Variants in ACRBP observed in about 807,000 individuals in gnomAD.
ACRBP encodes acrosin binding protein.
ACRBP carries 52 observed loss-of-function variants against 69.0 expected under a neutral mutation model. The ratio of observed to expected loss-of-function variants is 0.75; its 90% CI spans 0.60 to 0.95. The LOEUF (loss-of-function observed/expected upper bound fraction) is 0.95, where lower values mean the gene tolerates loss of function less well. ACRBP is among the 40% of genes least tolerant of loss of function. ACRBP has a pLI of 0.00. For missense variants in ACRBP, 604 were observed against 673.0 expected, an observed-to-expected ratio of 0.90 and a Z score of 1.13; for synonymous variants, 267 against 258.9, an observed-to-expected ratio of 1.03 and a Z score of -0.30.
At chr12:6,647,175 C>CG (rs1949096822) in intron 1 of ACRBP, 149 bp downstream of exon 1, 5 of 1,124,114 alleles carry the variant, frequency 4.4e-6, no homozygotes, top group South Asian at 2.8e-5. Flanking sequence ...CGGCCGCGGG[C>CG]GGGGGGAGAT....
At position 6,644,246 on chromosome 12, in the gene ACRBP, G is replaced by A. The variant is rs138474024; in HGVS notation, c.835C>T (p.Pro279Ser). The change falls in exon 5 of 10, where the codon CCT becomes TCT. Residue 279 changes from proline (P) to serine (S), a missense_variant. By Grantham distance (74) the Pro-to-Ser change is moderately conservative. Coordinates refer to ENST00000229243, the MANE Select transcript of ACRBP (RefSeq NM_032489.3). ...TCCTGGATGTTCTCCATTATCATAG[G>A]AGTAGACTCTACTTCTCGTACCCGG... ...APRVREVEST[P>S]MIMENIQELI... The A allele has an allele frequency of 4.3e-6, 7 of 1,613,990 alleles. No individual in the cohort carries two copies. Among genetic ancestry groups the A allele is most frequent in the Non-Finnish European group, 5.1e-6 (6 of 1,180,034 alleles).
At position 6,638,272 on chromosome 12, in the gene ACRBP, A is replaced by G. The variant is rs1297153827; in HGVS notation, c.*10T>C. On this transcript the variant is annotated 3_prime_UTR_variant, in exon 10 of 10. Transcript: ENST00000229243. The stretch of plus-strand genomic sequence containing the variant: ...GGTTGGGCTGGGGTGTGGGCAGAAT[A>G]GACGCCAGCTCATCCGAACTGGCCT... The G allele has an allele frequency of 1.1e-5, 18 of 1,613,646 alleles. No individual in the cohort carries two copies. The highest frequency in any genetic ancestry group is 1.5e-5 in the Non-Finnish European group (18 of 1,179,730).
intron 9 of ACRBP, 185 bp downstream of exon 9, chr12:6,638,769 C>T: frequency 6.9e-7 from 1 of 1,444,972 alleles, no homozygotes; most frequent in Middle Eastern, 2.6e-4. Context: ...CCTAGGAGGG[C>T]CTTGCTTCCG....
chr12:6,645,203 T>C lies in ACRBP; in HGVS notation c.475+17A>G. On this transcript the variant is annotated intron_variant, in intron 4 of 9. Transcript: ENST00000229243. ...TGGGAGTAGCTGGTGGTCTCCCGGCTGCTGAGAGGGTCTCACCTGTGAAGT... is the reference window on the plus strand; with the variant it reads ...TGGGAGTAGCTGGTGGTCTCCCGGCCGCTGAGAGGGTCTCACCTGTGAAGT... 1 of 1,584,972 alleles carries C rather than the reference T, an allele frequency of 6.3e-7. No homozygotes were observed. The highest frequency in any genetic ancestry group is 8.6e-7 in the Non-Finnish European group (1 of 1,157,308).
At position 6,646,809 on chromosome 12, in the gene ACRBP, C is replaced by T. The variant is rs1467208888; in HGVS notation, c.247G>A (p.Gly83Ser). 1.2e-6 allele frequency: 2 copies of T among 1,614,034 alleles called. No homozygotes were observed. Among genetic ancestry groups the T allele is most frequent in the South Asian group, 1.1e-5 (1 of 91,078 alleles). Residue 83 changes from glycine to serine, a missense_variant, in exon 2 of 10, where the codon GGC becomes AGC. Physicochemically the swap from Gly to Ser is moderately conservative, Grantham distance 56. Around this residue, in one of 3 missense-constraint regions of ACRBP, gnomAD observed 532 missense variants for 562.9 expected, o/e 0.95. Coordinates refer to ENST00000229243, the MANE Select transcript of ACRBP (RefSeq NM_032489.3). ...TGGCCCTCACCATCGGGCACTAAGC[C>T]GTGGTTTTCATATTGGTCCAGCTGG... ...LVQLDQYENH[G>S]LVPDGAVCSN... is the part of the protein sequence containing the mutation.
At chr12:6,639,936 G>A (rs1401961890) in intron 8 of ACRBP, 124 bp downstream of exon 8, 3 of 1,195,524 alleles carry the variant, frequency 2.5e-6, no homozygotes, top group African/African-American at 1.5e-5. Context: ...GATTCAGTGA[G>A]GACGGGTTCT....
chr12:6,646,072 G>A (rs1437375930), intron 3 of ACRBP, among the ~76,000 whole-genome samples: 1 of 150,702 alleles, frequency 6.6e-6, no homozygotes, highest in Non-Finnish European at 1.5e-5. Flanking sequence ...CAATTCTCCT[G>A]CCTCAGCCTC....
rs768217426 is a variant in ACRBP at position 6,640,427 on chromosome 12, C to T, written c.1173G>A (p.Leu391=). The change falls in exon 7 of 10, where the codon CTG becomes CTA. Residue 391 remains leucine, a synonymous_variant. Transcript: ENST00000229243. The surrounding 1 kb of genome is among the most constrained non-coding windows in gnomAD (Gnocchi z 5.3). ...KLEQCHSEAS[L]QRQQCDTSHK... is the part of the protein sequence containing the mutation. Reference sequence around the variant, plus strand: ...GGGAGGTGTCGCATTGTTGCCGCTGCAGGCTGGCCTCTGAGTGGCACTGCT... The same window carrying T: ...GGGAGGTGTCGCATTGTTGCCGCTGTAGGCTGGCCTCTGAGTGGCACTGCT... 3 of 1,614,206 alleles carry T rather than the reference C, an allele frequency of 1.9e-6. No homozygotes were observed. The highest frequency in any genetic ancestry group is 2.5e-6 in the Non-Finnish European group (3 of 1,180,034).
In ACRBP at chr12:6,640,932, A is replaced by G. The variant is rs1219016493; in HGVS notation, c.1078-410T>C. The stretch of plus-strand genomic sequence containing the variant: ...CACCTCTGCTAATGATAATGCTAAT[A>G]TTTACAAAGAGGTGACCCAGTGCCA... On this transcript the variant is annotated intron_variant, in intron 6 of 9. Coordinates refer to ENST00000229243, the MANE Select transcript of ACRBP (RefSeq NM_032489.3). This position sits in a 1 kb window ranked among gnomAD's most constrained non-coding sequence, Gnocchi z 5.3. Among the ~76,000 whole-genome samples, 3 of 152,196 alleles carry G rather than the reference A, an allele frequency of 2.0e-5. No individual in the cohort carries two copies. Among genetic ancestry groups the G allele is most frequent in the African/African-American group, 4.8e-5 (2 of 41,438 alleles).
At position 6,640,250 on chromosome 12, in the gene ACRBP, G is replaced by A; in HGVS notation, c.1258-23C>T. ...TACCTGTGGCACAGGAGATAGGGGAGAGGTGCGTGCCCCTCCCCACCTGCT... is the reference window on the plus strand; with the variant it reads ...TACCTGTGGCACAGGAGATAGGGGAAAGGTGCGTGCCCCTCCCCACCTGCT... On this transcript the variant is annotated intron_variant, in intron 7 of 9. Coordinates refer to ENST00000229243, the MANE Select transcript of ACRBP (RefSeq NM_032489.3). This position sits in a 1 kb window ranked among gnomAD's most constrained non-coding sequence, Gnocchi z 5.3. 6.2e-7 allele frequency: 1 copy of A among 1,613,890 alleles called. No individual in the cohort carries two copies. Among genetic ancestry groups the A allele is most frequent in the Non-Finnish European group, 8.5e-7 (1 of 1,179,830 alleles).
Position 6,644,470 on chromosome 12 carries a change from C to T in ACRBP, c.611G>A (p.Arg204Lys), listed in dbSNP as rs770525894. ...CTTGTGTTCTTGTGTCGGCTCCTGC[C>T]TGTGCTCCACTCCTTGCTCCTGCTT... ...EHKQEQGVEH[R>K]QEPTQEHKQE... Residue 204 changes from arginine to lysine, a missense_variant, in exon 5 of 10, where the codon AGG becomes AAG. Physicochemically the swap from Arg to Lys is conservative, Grantham distance 26. Coordinates refer to ENST00000229243, the MANE Select transcript of ACRBP (RefSeq NM_032489.3). The T allele has an allele frequency of 1.2e-6, 2 of 1,614,012 alleles. No homozygotes were observed. Among genetic ancestry groups the T allele is most frequent in the Non-Finnish European group, 1.7e-6 (2 of 1,180,026 alleles).
rs975059385 is a variant in ACRBP at position 6,644,129 on chromosome 12, T to C, written c.944+8A>G. On this transcript the variant is annotated splice_region_variant and intron_variant, in intron 5 of 9. Coordinates refer to ENST00000229243, the MANE Select transcript of ACRBP (RefSeq NM_032489.3). ...CAGGGTGGATGACAGAGTCAAAACT[T>C]CCTATACCTGCCAGGGTTTTGGTTT... 6.4e-7 allele frequency: 1 copy of C among 1,562,212 alleles called. No individual in the cohort carries two copies. The highest frequency in any genetic ancestry group is 1.4e-5 in the African/African-American group (1 of 73,352).
chr12:6,645,001 C>T (rs1042791358), intron 4 of ACRBP, among the ~76,000 whole-genome samples: 3 of 152,194 alleles, frequency 2.0e-5, no homozygotes, highest in African/African-American at 7.2e-5. Flanking sequence ...AAAATGGATT[C>T]AGGGCAAAAT....
chr12:6,638,914 G>C (rs1407095972), intron 9 of ACRBP, 40 bp downstream of exon 9: 2 of 1,605,844 alleles, frequency 1.2e-6, no homozygotes, highest in African/African-American at 1.3e-5. Context: ...ACTGATTGAG[G>C]GGGTGCTGGG....
intron 5 of ACRBP, 160 bp downstream of exon 5, chr12:6,643,977 C>T (rs1949070703): frequency 2.2e-6 from 3 of 1,389,986 alleles, no homozygotes; most frequent in Non-Finnish European, 2.9e-6. Flanking sequence ...GTGCTTAAGC[C>T]AACAATGGGC....
At chr12:6,647,286 C>A in intron 1 of ACRBP, 38 bp downstream of exon 1, 1 of 1,539,574 alleles carries the variant, frequency 6.5e-7, no homozygotes. Context: ...GAGGACTAGC[C>A]CGGGGAGAGT....
At chr12:6,641,137 C>G (rs1404277809) in intron 6 of ACRBP, among the ~76,000 whole-genome samples, 4 of 152,208 alleles carry the variant, frequency 2.6e-5, no homozygotes, top group African/African-American at 9.6e-5. Flanking sequence ...CAGGTCCTTC[C>G]AACTCTAAAA....
At chr12:6,645,854 G>GT (rs1222634142) in intron 3 of ACRBP, among the ~76,000 whole-genome samples, 1 of 151,734 alleles carries the variant, frequency 6.6e-6, no homozygotes, top group Non-Finnish European at 1.5e-5. Context: ...TAGAGACAGA[G>GT]TTTCACCGTG....
In ACRBP at chr12:6,645,214, T is replaced by A. The variant is rs1176991993; in HGVS notation, c.475+6A>T. 1.9e-6 allele frequency: 3 copies of A among 1,604,640 alleles called. No individual in the cohort carries two copies. In the South Asian group the frequency reaches 3.3e-5, roughly 18 times the overall value. ...GGTGGTCTCCCGGCTGCTGAGAGGG[T>A]CTCACCTGTGAAGTGGGGTGAGATG... On this transcript the variant is annotated splice_donor_region_variant and intron_variant, in intron 4 of 9. Transcript: ENST00000229243.
Sources: allele counts gnomAD v4.1 joint callset (sites outside exome capture counted in the v4.1 genomes callset), GRCh38; gene constraint gnomAD v4.1.1; regional missense constraint gnomAD v4.1.1; non-coding constraint Gnocchi (gnomAD v3.1); transcripts MANE v1.5; gene names NCBI Gene and HGNC (gene_info 2026-07-23, HGNC 2026-07-21).